The following IMPG1 variants were observed in gnomAD, a reference collection of about 807,000 sequenced individuals.
IMPG1 encodes interphotoreceptor matrix proteoglycan of 150 kDa.
IMPG1 carries 85 observed loss-of-function variants against 92.0 expected under a neutral mutation model. The ratio of observed to expected loss-of-function variants is 0.92; its 90% confidence interval spans 0.78 to 1.11. The LOEUF is 1.11. Among genes scored for constraint, IMPG1 ranks in the 50% least tolerant of loss-of-function variants. The pLI is 0.00. For missense variants in IMPG1, 1,022 were observed against 956.0 expected (o/e 1.07, Z -0.91); for synonymous variants, 367 against 334.1 (o/e 1.10, Z -1.08).
chr6:75,956,123 G>C (rs1035478560), intron 12 of IMPG1, among the ~76,000 whole-genome samples: 4 of 152,154 alleles, frequency 2.6e-5, no homozygotes, highest in African/African-American at 9.7e-5. Context: ...AAATGAATTA[G>C]GGAGGATGCC....
At chr6:76,050,512 G>C (rs771002160) in intron 1 of IMPG1, among the ~76,000 whole-genome samples, 7 of 152,140 alleles carry the variant, frequency 4.6e-5, no homozygotes, top group Non-Finnish European at 1.0e-4. Context: ...TTTGGTCAAA[G>C]TACCATTTTC....
intron 12 of IMPG1, among the ~76,000 whole-genome samples, chr6:75,982,827 T>C (rs921567533): frequency 2.0e-5 from 3 of 152,050 alleles, no homozygotes; most frequent in African/African-American, 7.2e-5. Flanking sequence ...GCACTTTATA[T>C]AGTTTCTACT....
intron 12 of IMPG1, among the ~76,000 whole-genome samples, chr6:75,997,136 G>A (rs574188191): frequency 1.3e-5 from 2 of 152,286 alleles, no homozygotes; most frequent in Admixed American, 1.3e-4. Context: ...CATAAAGATT[G>A]TATCTAGGGA....
At position 75,989,466 on chromosome 6, in the gene IMPG1, T is replaced by A. The variant is rs192105174; in HGVS notation, c.1291+13452A>T. ...TATTGCAAACTCTCATGAAAAGCCC[T>A]TAAATCAATGGCAAACTTGCTATCC... On this transcript the variant is annotated intron_variant, in intron 12 of 16. Coordinates refer to ENST00000369950, the MANE Select transcript of IMPG1 (RefSeq NM_001563.4). 4.3e-4 allele frequency among the ~76,000 whole-genome samples: 66 copies of A among 152,352 alleles called. No individual in the cohort carries two copies. The South Asian group carries it at 9.1e-3, about 21-fold the overall frequency.
chr6:75,924,725 A>AT (rs1297274732), intron 15 of IMPG1, among the ~76,000 whole-genome samples: 3,737 of 11,218 alleles, frequency 0.33, 1,462 homozygotes, highest in East Asian at 0.71. Flanking sequence ...TATATAATAT[A>AT]ATTATATATA....
At chr6:75,926,318 C>T (rs925070157) in intron 15 of IMPG1, among the ~76,000 whole-genome samples, 1 of 152,138 alleles carries the variant, frequency 6.6e-6, no homozygotes, top group Non-Finnish European at 1.5e-5. Context: ...CTACAAACCT[C>T]CCCCGTAACC....
chr6:75,967,644 C>T (rs1386350672), intron 12 of IMPG1, among the ~76,000 whole-genome samples: 1 of 152,006 alleles, frequency 6.6e-6, no homozygotes, highest in East Asian at 1.9e-4. Flanking sequence ...AGTCTTGAAT[C>T]TCAAGGATTA....
intron 12 of IMPG1, among the ~76,000 whole-genome samples, chr6:76,001,665 G>C (rs1011838365): frequency 6.6e-6 from 1 of 152,170 alleles, no homozygotes; most frequent in African/African-American, 2.4e-5. Flanking sequence ...GCCAGTGAGT[G>C]AACCGTTTTG....
chr6:75,947,499 A>C lies in IMPG1; in HGVS notation c.1859T>G (p.Phe620Cys). The C allele has an allele frequency of 1.2e-6, 2 of 1,613,800 alleles. No homozygotes were observed. The highest frequency in any genetic ancestry group is 1.7e-6 in the Non-Finnish European group (2 of 1,179,808). The change falls in exon 14 of 17, where the codon TTT (phenylalanine) becomes TGT (cysteine). Residue 620 changes from phenylalanine to cysteine, a missense_variant. Coordinates refer to ENST00000369950, the MANE Select transcript of IMPG1 (RefSeq NM_001563.4). ...GAAGTTAAGTATTTCAAGTTGCTTAAATCCTGTAAGATTGGATCGTAGATA... is the reference window on the plus strand; with the variant it reads ...GAAGTTAAGTATTTCAAGTTGCTTACATCCTGTAAGATTGGATCGTAGATA... ...VPYLRSNLTG[F>C]KQLEILNFRN...
intron 1 of IMPG1, among the ~76,000 whole-genome samples, chr6:76,057,117 G>T (rs149456245): frequency 3.3e-5 from 5 of 151,988 alleles, no homozygotes; most frequent in Admixed American, 2.6e-4. Flanking sequence ...GATACATGTC[G>T]GGGAACAACA....
intron 8 of IMPG1, among the ~76,000 whole-genome samples, chr6:76,010,172 C>T (rs1397086023): frequency 6.6e-6 from 1 of 152,196 alleles, no homozygotes; most frequent in Non-Finnish European, 1.5e-5. Flanking sequence ...CCCTGCAAAG[C>T]TATTTCTTTT....
chr6:75,945,166 G>C (rs929879614), intron 14 of IMPG1, among the ~76,000 whole-genome samples: 2 of 152,124 alleles, frequency 1.3e-5, no homozygotes, highest in African/African-American at 4.8e-5. Flanking sequence ...ACTTTTTACT[G>C]TTTTTGCTGG....
intron 1 of IMPG1, among the ~76,000 whole-genome samples, chr6:76,063,783 C>T (rs1784251031): frequency 6.6e-6 from 1 of 152,196 alleles, no homozygotes; most frequent in African/African-American, 2.4e-5. Flanking sequence ...AAGAGAGCTG[C>T]AGTATTCCTC....
chr6:76,001,947 G>C (rs1037725733), intron 12 of IMPG1, among the ~76,000 whole-genome samples: 2 of 152,130 alleles, frequency 1.3e-5, no homozygotes, highest in Non-Finnish European at 2.9e-5. Flanking sequence ...GAAATACCTT[G>C]CATTCTGTAA....
chr6:75,954,933 C>T (rs146775919), intron 12 of IMPG1, among the ~76,000 whole-genome samples: 1 of 152,120 alleles, frequency 6.6e-6, no homozygotes, highest in Admixed American at 6.6e-5. Context: ...AGATGTGTGG[C>T]ATTATTTCTG....
rs1311178521 is a variant in IMPG1 at position 75,984,235 on chromosome 6, A to G, written c.1291+18683T>C. On this transcript the variant is annotated intron_variant, in intron 12 of 16. Coordinates refer to ENST00000369950, the MANE Select transcript of IMPG1 (RefSeq NM_001563.4). ...TAGTGGGTATATATACAAAGCAAAT[A>G]CAATCAATATGTTGAAAAGATATTT... 3.3e-5 allele frequency among the ~76,000 whole-genome samples: 5 copies of G among 152,260 alleles called. No individual in the cohort carries two copies. The East Asian group carries it at 7.7e-4, about 23-fold the overall frequency.
intron 15 of IMPG1, among the ~76,000 whole-genome samples, chr6:75,924,667 A>ATATCATATATTATATATAATT (rs376659354): frequency 1.2e-4 from 1 of 8,008 alleles, no homozygotes; most frequent in African/African-American, 4.2e-4. Context: ...AATATATAAT[A>ATATCATATATTATATATAATT]AATTATATAT....
intron 1 of IMPG1, among the ~76,000 whole-genome samples, chr6:76,056,667 C>T (rs1784125586): frequency 6.6e-6 from 1 of 152,156 alleles, no homozygotes; most frequent in African/African-American, 2.4e-5. Flanking sequence ...CAAAGGTTCC[C>T]TTTTCTCCAC....
rs1337695447 is a variant in IMPG1 at position 75,923,616 on chromosome 6, TAGAA to T, written c.2316+14_2316+17del. 2.3e-6 allele frequency: 3 copies of T among 1,294,448 alleles called. No homozygotes were observed. The highest frequency in any genetic ancestry group is 2.3e-5 in the East Asian group (1 of 43,434). The allele number at this position is 1,294,448 out of a possible 1,614,324, so 80.2% of individuals were successfully genotyped here. A position where few individuals can be genotyped will look rare whatever the true frequency, so the allele number is the denominator to read the frequency against. On this transcript the variant is annotated intron_variant, in intron 16 of 16. Coordinates refer to ENST00000369950, the MANE Select transcript of IMPG1 (RefSeq NM_001563.4). ...TCAAGTTTAGTAATTGCAACCAACT[TAGAA>T]AGTATGATTTTACCTTGTTATTTTG...
Sources: gnomAD v4.1 joint callset for allele counts (sites outside exome capture counted in the v4.1 genomes callset) on GRCh38, gnomAD v4.1.1 for gene constraint, MANE v1.5 for transcripts, NCBI Gene and HGNC (gene_info 2026-07-23, HGNC 2026-07-21) for gene names.